Variants in PSME3 observed in about 807,000 individuals in gnomAD.
PSME3 encodes proteasome activator complex subunit 3.
A neutral mutation model predicts 38.3 loss-of-function variants in PSME3; 7 were observed. That is an observed-to-expected ratio of 0.18 (90% confidence interval 0.10 to 0.34). The LOEUF (loss-of-function observed/expected upper bound fraction) is 0.34, where lower values mean the gene tolerates loss of function less well. PSME3 is among the 10% of genes least tolerant of loss of function. PSME3 has a pLI of 1.00. For missense variants in PSME3, 192 were observed against 307.6 expected, an observed-to-expected ratio of 0.62 and a Z score of 2.81; for synonymous variants, 108 against 105.7, an observed-to-expected ratio of 1.02 and a Z score of -0.13.
In PSME3 at chr17:42,843,551, A is replaced by C. The variant is rs2144266037; in HGVS notation, c.*1973A>C. The C allele has an allele frequency of 6.6e-6, 1 of 152,478 alleles. No homozygotes were observed. Among genetic ancestry groups the C allele is most frequent in the Non-Finnish European group, 1.5e-5 (1 of 68,032 alleles). The allele number at this position is 152,478 out of a possible 1,614,324, so 9.4% of individuals were successfully genotyped here. ...TCCCGAGTGATACCCATGAACTGCC[A>C]GTAGAGGCTGCTATCGTTCCATGTG... is the stretch of plus-strand genomic sequence containing the variant. On this transcript the variant is annotated 3_prime_UTR_variant, in exon 11 of 11. Transcript: ENST00000590720.
At position 42,833,611 on chromosome 17, in the gene PSME3, C is replaced by T; in HGVS notation, c.-21C>T. The T allele has an allele frequency of 6.2e-7, 1 of 1,614,170 alleles. No homozygotes were observed. The highest frequency in any genetic ancestry group is 2.2e-5 in the East Asian group (1 of 44,884). On this transcript the variant is annotated 5_prime_UTR_variant, in exon 1 of 11. Transcript: ENST00000590720. ...ACAGCGCCTCCGGTGTCCAGAGGATCGGACACGGCCCGGCCCGGCCATGGC... is the reference window on the plus strand; with the variant it reads ...ACAGCGCCTCCGGTGTCCAGAGGATTGGACACGGCCCGGCCCGGCCATGGC...
intron 1 of PSME3, chr17:42,834,139 G>A (rs1179699793): frequency 6.8e-6 from 10 of 1,476,454 alleles, no homozygotes; most frequent in African/African-American, 1.4e-5. Context: ...GAGGACAGAG[G>A]AGACAGGCAG....
chr17:42,834,662 T>G, intron 3 of PSME3, 85 bp downstream of exon 3: 1 of 1,599,562 alleles, frequency 6.3e-7, no homozygotes, highest in Non-Finnish European at 8.5e-7. Context: ...TTGATTCTTC[T>G]TCTTTTTATT....
intron 1 of PSME3, chr17:42,833,976 C>G: frequency 7.0e-7 from 1 of 1,437,760 alleles, no homozygotes; most frequent in South Asian, 1.5e-5. Flanking sequence ...TGGACACTGC[C>G]CCTGCCCTTG....
At chr17:42,833,972 C>G (rs2055430878) in intron 1 of PSME3, 2 of 1,437,612 alleles carry the variant, frequency 1.4e-6, no homozygotes, top group Non-Finnish European at 1.8e-6. Flanking sequence ...TCCCTGGACA[C>G]TGCCCCTGCC....
rs1426797121 is a variant in PSME3, at chr17:42,838,927, GTTGT to G, written c.475-7_475-4del. On this transcript the variant is annotated splice_polypyrimidine_tract_variant and intron_variant, in intron 7 of 10. Transcript: ENST00000590720. ...CATGGAAGTGGCTTTTGATGCACCTGTTGTTTGTTTGTTTTAGGAGGAAACAGTT... is the reference window on the plus strand; with the variant it reads ...CATGGAAGTGGCTTTTGATGCACCTGTTGTTTGTTTTAGGAGGAAACAGTT... The G allele has an allele frequency of 6.8e-6, 11 of 1,613,796 alleles. No individual in the cohort carries two copies. Among genetic ancestry groups the G allele is most frequent in the South Asian group, 2.2e-5 (2 of 91,070 alleles).
In PSME3 at chr17:42,839,184, G is replaced by A; in HGVS notation, c.597+18G>A. On this transcript the variant is annotated intron_variant, in intron 9 of 10. Coordinates refer to ENST00000590720, the MANE Select transcript of PSME3 (RefSeq NM_005789.4). ...CCCATGTGGTAAGTAAGGGGTTTGT[G>A]GCCTGAGGGTGGAGGTGGCAGGATA... is the stretch of plus-strand genomic sequence containing the variant. The A allele has an allele frequency of 6.4e-7, 1 of 1,573,302 alleles. No homozygotes were observed. Among genetic ancestry groups the A allele is most frequent in the Non-Finnish European group, 8.8e-7 (1 of 1,142,848 alleles).
chr17:42,834,302 C>G (rs766377877), intron 1 of PSME3, 42 bp from the exon 2 acceptor site: 1 of 1,613,770 alleles, frequency 6.2e-7, no homozygotes, highest in Admixed American at 1.7e-5. Context: ...CTGCTCTTAC[C>G]TCTGTCCCCA....
intron 1 of PSME3, 143 bp downstream of exon 1, chr17:42,833,816 G>T: frequency 6.4e-7 from 1 of 1,572,090 alleles, no homozygotes. Context: ...CCCAACTCCC[G>T]GGGTCGGCTT....
intron 10 of PSME3, among the ~76,000 whole-genome samples, chr17:42,840,114 T>TA (rs565087528): frequency 0.012 from 1,496 of 128,924 alleles, 9 homozygotes; most frequent in African/African-American, 0.032. Context: ...CCATCTTTAC[T>TA]AAAAAAAAAA....
At position 42,833,425 on chromosome 17, in the gene PSME3, G is replaced by C. The variant is rs1416822575; in HGVS notation, c.-207G>C. On this transcript the variant is annotated 5_prime_UTR_variant, in exon 1 of 11. Coordinates refer to ENST00000590720, the MANE Select transcript of PSME3 (RefSeq NM_005789.4). The stretch of plus-strand genomic sequence containing the variant: ...GTTTCCGGCGTGAGCGGCGAAAGCC[G>C]GGAGGGCGAGCGAGAGAGCAAGCAG... The C allele has an allele frequency of 4.9e-6, 3 of 615,204 alleles. No homozygotes were observed. Among genetic ancestry groups the C allele is most frequent in the Non-Finnish European group, 8.6e-6 (3 of 349,726 alleles). The allele number at this position is 615,204 out of a possible 1,614,324, so 38.1% of individuals were successfully genotyped here.
chr17:42,833,852 C>T (rs2055429267), intron 1 of PSME3, 179 bp downstream of exon 1: 9 of 1,505,912 alleles, frequency 6.0e-6, no homozygotes, highest in Admixed American at 2.1e-5. Context: ...TATAGGATGG[C>T]TTTCTGTACC....
intron 10 of PSME3, among the ~76,000 whole-genome samples, chr17:42,840,927 A>G (rs2055523963): frequency 6.6e-6 from 1 of 151,884 alleles, no homozygotes; most frequent in Non-Finnish European, 1.5e-5. Flanking sequence ...AGGTCAGGAG[A>G]TCGAGACCAT....
chr17:42,834,658 C>A (rs933489641), intron 3 of PSME3, 81 bp downstream of exon 3: 17 of 1,599,010 alleles, frequency 1.1e-5, no homozygotes, highest in African/African-American at 6.8e-5. Context: ...ACTGTTGATT[C>A]TTCTTCTTTT....
chr17:42,834,077 C>G, intron 1 of PSME3: 1 of 1,444,796 alleles, frequency 6.9e-7, no homozygotes, highest in Non-Finnish European at 9.0e-7. Context: ...TGTCTTTTGT[C>G]TGCTTATCAA....
Position 42,839,261 on chromosome 17 carries a change from G to A in PSME3, c.598-33G>A, listed in dbSNP as rs780997204. ...AGCTGTCTGGAAACAATTGGGCTTT[G>A]GGGACTAGCTTTTTCCTGTACCCTC... On this transcript the variant is annotated intron_variant, in intron 9 of 10. Transcript: ENST00000590720. 3.1e-6 allele frequency: 5 copies of A among 1,591,004 alleles called. No individual in the cohort carries two copies. The African/African-American group carries it at 4.0e-5, about 13-fold the overall frequency.
intron 4 of PSME3, among the ~76,000 whole-genome samples, chr17:42,835,866 C>G (rs1391920572): frequency 2.0e-5 from 3 of 152,172 alleles, no homozygotes; most frequent in Non-Finnish European, 2.9e-5. Flanking sequence ...CAATTGCTAT[C>G]TTTGCTTTGC....
At chr17:42,838,909 G>A (rs2055496507) in intron 7 of PSME3, 36 bp from the exon 8 acceptor site, 2 of 1,612,412 alleles carry the variant, frequency 1.2e-6, no homozygotes, top group South Asian at 2.2e-5. Flanking sequence ...TGACATGGAA[G>A]TGGCTTTTGA....
chr17:42,840,936 A>T (rs139351312), intron 10 of PSME3, among the ~76,000 whole-genome samples: 2,067 of 152,132 alleles, frequency 0.014, 49 homozygotes, highest in African/African-American at 0.048. Context: ...GATCGAGACC[A>T]TCCTGGCTAA....
Sources: allele counts gnomAD v4.1 joint callset (sites outside exome capture counted in the v4.1 genomes callset), GRCh38; gene constraint gnomAD v4.1.1; transcripts MANE v1.5; gene names NCBI Gene and HGNC (gene_info 2026-07-23, HGNC 2026-07-21).